The following ADAP1 variants were observed in gnomAD, a reference collection of about 807,000 sequenced individuals.
ADAP1 encodes the protein arf-GAP with dual PH domain-containing protein 1.
A neutral mutation model predicts 54.9 loss-of-function variants in ADAP1; 31 were observed. The ratio of observed to expected loss-of-function variants is 0.56; its 90% CI spans 0.42 to 0.76. The LOEUF is 0.76. ADAP1 is among the 30% of genes least tolerant of loss of function. ADAP1 has a pLI of 0.00. For synonymous variants in ADAP1, 313 were observed against 202.6 expected (o/e 1.55, Z -4.63); for missense variants, 535 against 512.4 (o/e 1.04, Z -0.42).
At chr7:900,687 G>T (rs1287574115) in intron 6 of ADAP1, 71 bp from the exon 7 acceptor site, 31 of 1,324,750 alleles carry the variant, frequency 2.3e-5, no homozygotes, top group Non-Finnish European at 3.0e-5. Context: ...GAGGGGCTGG[G>T]GTCCCCACAG....
chr7:955,157 C>T (rs1012302236), upstream of ADAP1: 2 of 738,602 alleles, frequency 2.7e-6, no homozygotes, highest in African/African-American at 3.5e-5. Flanking sequence ...GGAGCCTCCC[C>T]CTGAGACCCA....
intron 3 of ADAP1, among the ~76,000 whole-genome samples, chr7:921,609 C>T (rs571606983): frequency 2.0e-5 from 3 of 152,350 alleles, no homozygotes; most frequent in East Asian, 1.9e-4. Flanking sequence ...GCCTCGCGTC[C>T]GGCCCCTATT....
intron 1 of ADAP1, among the ~76,000 whole-genome samples, chr7:947,984 A>T (rs1583190417): frequency 3.5e-5 from 5 of 141,278 alleles, no homozygotes; most frequent in Admixed American, 3.5e-4. Flanking sequence ...CCCCGACACC[A>T]CCAGCCCCTT....
intron 6 of ADAP1, among the ~76,000 whole-genome samples, chr7:902,256 C>T (rs1313693112): frequency 6.7e-6 from 1 of 148,966 alleles, no homozygotes; most frequent in South Asian, 2.1e-4. Flanking sequence ...GTCGGGAGCT[C>T]GAGACCAGCC....
chr7:947,731 C>G (rs1191270505), intron 1 of ADAP1, among the ~76,000 whole-genome samples: 4 of 152,192 alleles, frequency 2.6e-5, no homozygotes, highest in Non-Finnish European at 2.9e-5. Flanking sequence ...TCCCACCCAC[C>G]TCCCGCTCCC....
chr7:919,646 G>A (rs1203086015), intron 4 of ADAP1, among the ~76,000 whole-genome samples: 2 of 117,794 alleles, frequency 1.7e-5, no homozygotes, highest in Admixed American at 9.4e-5. Flanking sequence ...AAGAGAAACA[G>A]AGACACAGAG....
Position 919,884 on chromosome 7 carries a change from G to GGAGGGAGGGAAAGAGATGGGA in ADAP1, c.388+83_388+84insTCCCATCTCTTTCCCTCCCTC, listed in dbSNP as rs1276240664. 7 of 819,220 alleles carry GGAGGGAGGGAAAGAGATGGGA rather than the reference G, an allele frequency of 8.5e-6. No homozygotes were observed. The Admixed American group carries it at 1.7e-4, about 20-fold the overall frequency. 50.7% of individuals were successfully genotyped at this position (819,220 alleles called of 1,614,324 possible). A position where few individuals can be genotyped will look rare whatever the true frequency, so the allele number is the denominator to read the frequency against. The stretch of plus-strand genomic sequence containing the variant: ...TGGGGGAGGGAGGGAAAGAGATGGG[G>GGAGGGAGGGAAAGAGATGGGA]GAGGGAGGGAAAGAGATGGGGGAGG... On this transcript the variant is annotated intron_variant, in intron 4 of 10. Transcript: ENST00000265846.
At chr7:901,836 A>AC (rs1435813399) in intron 6 of ADAP1, among the ~76,000 whole-genome samples, 4 of 149,768 alleles carry the variant, frequency 2.7e-5, no homozygotes, top group Non-Finnish European at 5.9e-5. Context: ...AGGAAGCTGA[A>AC]CCCGTCCACA....
chr7:900,678 A>C (rs1844755031), intron 6 of ADAP1, 62 bp from the exon 7 acceptor site: 1 of 1,328,104 alleles, frequency 7.5e-7, no homozygotes, highest in Non-Finnish European at 1.0e-6. Flanking sequence ...GTCCCCACAG[A>C]GGGGCTGGGG....
chr7:914,188 G>A (rs984588599), intron 4 of ADAP1, among the ~76,000 whole-genome samples: 1 of 152,212 alleles, frequency 6.6e-6, no homozygotes, highest in African/African-American at 2.4e-5. Context: ...GGGCAGACCT[G>A]CAGCCACTCC....
At chr7:951,192 G>C (rs915372655) in intron 1 of ADAP1, among the ~76,000 whole-genome samples, 1 of 151,994 alleles carries the variant, frequency 6.6e-6, no homozygotes, top group African/African-American at 2.4e-5. Context: ...GGCTAACATG[G>C]TGAAACCCCA....
At chr7:899,393 G>C (rs764792057) in intron 9 of ADAP1, 26 bp downstream of exon 9, 10 of 1,611,972 alleles carry the variant, frequency 6.2e-6, no homozygotes, top group East Asian at 2.2e-5. Flanking sequence ...CTGCCCTCCC[G>C]TGCTGGGGCC....
At chr7:901,431 G>GC (rs1024700351) in intron 6 of ADAP1, 2 of 179,118 alleles carry the variant, frequency 1.1e-5, no homozygotes, top group African/African-American at 4.8e-5. Context: ...GAGCCAGGGA[G>GC]CCCCATCCCT....
Position 898,958 on chromosome 7 carries a change from G to A in ADAP1, c.1097-9C>T. The A allele has an allele frequency of 3.1e-6, 5 of 1,611,450 alleles. No individual in the cohort carries two copies. Among genetic ancestry groups the A allele is most frequent in the Non-Finnish European group, 4.2e-6 (5 of 1,179,354 alleles). ...CTTGAAGTGCGCCTCCACTGCAACG[G>A]AACAGGGTCCAGCGTTGTCACAGCG... On this transcript the variant is annotated splice_polypyrimidine_tract_variant and intron_variant, in intron 10 of 10. Coordinates refer to ENST00000265846, the MANE Select transcript of ADAP1 (RefSeq NM_006869.4).
intron 2 of ADAP1, among the ~76,000 whole-genome samples, chr7:931,146 G>A (rs754480410): frequency 1.3e-5 from 2 of 151,920 alleles, no homozygotes; most frequent in East Asian, 3.9e-4. Flanking sequence ...AAGACAGGAG[G>A]GAAGGAAGGA....
chr7:946,671 G>A lies in ADAP1; in HGVS notation c.82+7725C>T, dbSNP rs1847148576. Among the ~76,000 whole-genome samples the A allele has an allele frequency of 6.6e-6, 1 of 151,150 alleles. No individual in the cohort carries two copies. Among genetic ancestry groups the A allele is most frequent in the Admixed American group, 6.6e-5 (1 of 15,188 alleles). On this transcript the variant is annotated intron_variant, in intron 1 of 10. Transcript: ENST00000265846. The surrounding 1 kb of genome is among the most constrained non-coding windows in gnomAD (Gnocchi z 4.3). The stretch of plus-strand genomic sequence containing the variant: ...CACCCTGTCCCGGAGCCCACTCTCT[G>A]GGGCCCCCACCCCGCGCCCCTCCAG...
chr7:899,606 T>G, intron 8 of ADAP1, 116 bp from the exon 9 acceptor site: 1 of 1,202,454 alleles, frequency 8.3e-7, no homozygotes, highest in Non-Finnish European at 1.2e-6. Flanking sequence ...GTCACCTCCA[T>G]TCACTCACGC....
Position 900,883 on chromosome 7 carries a change from A to AGGGCCGAAGGGCCGAAGGGCC in ADAP1, c.649-268_649-267insGGCCCTTCGGCCCTTCGGCCC, listed in dbSNP as rs1554270394. 16 of 393,464 alleles carry AGGGCCGAAGGGCCGAAGGGCC rather than the reference A, an allele frequency of 4.1e-5. No homozygotes were observed. In the East Asian group the frequency reaches 8.1e-4, roughly 20 times the overall value. 24.4% of individuals were successfully genotyped at this position (393,464 alleles called of 1,614,324 possible). A position where few individuals can be genotyped will look rare whatever the true frequency, so the allele number is the denominator to read the frequency against. On this transcript the variant is annotated intron_variant, in intron 6 of 10. Transcript: ENST00000265846. Reference sequence around the variant, plus strand: ...GTCCTGAGAAGGGCCGAAGGGCCGAAGGGCCGGGCCGGGCCGGGCTGGACA... The same window carrying AGGGCCGAAGGGCCGAAGGGCC: ...GTCCTGAGAAGGGCCGAAGGGCCGAAGGGCCGAAGGGCCGAAGGGCCGGGCCGGGCCGGGCCGGGCTGGACA...
At chr7:927,096 G>A in intron 2 of ADAP1, 1 of 1,304,202 alleles carries the variant, frequency 7.7e-7, no homozygotes, top group Non-Finnish European at 1.0e-6. Context: ...CGGGGGCCTG[G>A]AGATGGGCTG....
Sources: allele counts gnomAD v4.1 joint callset (sites outside exome capture counted in the v4.1 genomes callset), GRCh38; gene constraint gnomAD v4.1.1; non-coding constraint Gnocchi (gnomAD v3.1); transcripts MANE v1.5; gene names NCBI Gene and HGNC (gene_info 2026-07-23, HGNC 2026-07-21).